DNAH11: variants seen among roughly 807,000 people sequenced by gnomAD.
DNAH11 encodes dynein axonemal heavy chain 11, also known as axonemal beta dynein heavy chain 11.
A neutral mutation model predicts 526.0 loss-of-function variants in DNAH11; 442 were observed. That is an observed-to-expected ratio of 0.84 (90% CI 0.78 to 0.91). The LOEUF is 0.91. Ranked by LOEUF, DNAH11 falls within the 40% of genes least tolerant of loss-of-function variation. DNAH11 has a pLI of 0.00. For synonymous variants in DNAH11, 2,461 were observed against 1,935.9 expected, an observed-to-expected ratio of 1.27 and a Z score of -7.12; for missense variants, 6,989 against 5,448.7, an observed-to-expected ratio of 1.28 and a Z score of -8.90.
intron 42 of DNAH11, among the ~76,000 whole-genome samples, chr7:21,715,096 T>A (rs1784602029): frequency 6.6e-6 from 1 of 152,238 alleles, no homozygotes; most frequent in East Asian, 1.9e-4. Context: ...TATACACTGC[T>A]AGTCAGCATG....
At chr7:21,617,126 G>T (rs75183770) in intron 22 of DNAH11, among the ~76,000 whole-genome samples, 1,671 of 152,198 alleles carry the variant, frequency 0.011, 20 homozygotes, top group African/African-American at 0.038. Context: ...TTTTCCTTGG[G>T]CTGAGAGGAC....
At chr7:21,880,941 G>C in intron 75 of DNAH11, 48 bp downstream of exon 75, 2 of 1,492,078 alleles carry the variant, frequency 1.3e-6, no homozygotes, top group Non-Finnish European at 1.8e-6. Context: ...TTACAAAGCT[G>C]TCAGTCTTTG....
chr7:21,769,863 GT>G (rs1249169242), intron 55 of DNAH11, among the ~76,000 whole-genome samples: 1 of 152,072 alleles, frequency 6.6e-6, no homozygotes, highest in Non-Finnish European at 1.5e-5. Flanking sequence ...ACCATTGAAG[GT>G]ACCTTTTTCA....
chr7:21,866,816 A>G (rs1470759325), intron 71 of DNAH11, among the ~76,000 whole-genome samples, 153 bp downstream of exon 71: 3 of 152,162 alleles, frequency 2.0e-5, no homozygotes, highest in Non-Finnish European at 4.4e-5. Flanking sequence ...TGCTACTGTT[A>G]AAATTTGCTA....
intron 68 of DNAH11, among the ~76,000 whole-genome samples, chr7:21,861,281 T>C (rs541696451): frequency 6.6e-6 from 1 of 152,376 alleles, no homozygotes; most frequent in East Asian, 1.9e-4. Context: ...TGTGTTAGTA[T>C]GGACTGCCGC....
chr7:21,654,778 A>T (rs117590159), intron 28 of DNAH11, among the ~76,000 whole-genome samples: 2 of 152,130 alleles, frequency 1.3e-5, no homozygotes, highest in African/African-American at 4.8e-5. Flanking sequence ...CTCAAGAGAG[A>T]TGATAGAGTA....
At chr7:21,741,800 G>C in intron 48 of DNAH11, 127 bp from the exon 49 acceptor site, 1 of 1,066,396 alleles carries the variant, frequency 9.4e-7, no homozygotes, top group South Asian at 1.7e-5. Context: ...CCCAGAGTCA[G>C]AGTGGAGCAC....
chr7:21,721,776 AG>A (rs1266241360), intron 44 of DNAH11, among the ~76,000 whole-genome samples: 1 of 152,028 alleles, frequency 6.6e-6, no homozygotes, highest in African/African-American at 2.4e-5. Context: ...GGGATGTGGG[AG>A]GGGGGATCAC....
At chr7:21,746,814 T>A (rs150160896) in intron 51 of DNAH11, among the ~76,000 whole-genome samples, 39 of 152,256 alleles carry the variant, frequency 2.6e-4, no homozygotes, top group African/African-American at 7.2e-4. Flanking sequence ...GAAGTTTCAG[T>A]TGGAATCTAA....
chr7:21,867,186 A>T lies in DNAH11; in HGVS notation c.11690+523A>T, dbSNP rs138810678. On this transcript the variant is annotated intron_variant, in intron 71 of 81. Coordinates refer to ENST00000409508, the MANE Select transcript of DNAH11 (RefSeq NM_001277115.2). ...TTGCCCTCTTGGCTTCTAAATGGTA[A>T]TGTGCTGCTTAATTCACACAAGTCT... Among the ~76,000 whole-genome samples the T allele has an allele frequency of 3.6e-3, 554 of 152,254 alleles. 1 individual carries two copies. The highest frequency in any genetic ancestry group is 0.013 in the African/African-American group (522 of 41,536).
intron 25 of DNAH11, among the ~76,000 whole-genome samples, chr7:21,629,768 G>A (rs528111996): frequency 1.4e-4 from 21 of 152,044 alleles, no homozygotes; most frequent in African/African-American, 4.8e-4. Flanking sequence ...CTAGTTGCAT[G>A]GTATATCATT....
At chr7:21,662,287 A>T (rs1363406295) in intron 30 of DNAH11, among the ~76,000 whole-genome samples, 3 of 152,150 alleles carry the variant, frequency 2.0e-5, no homozygotes, top group Non-Finnish European at 2.9e-5. Flanking sequence ...ACATGCAGAA[A>T]AGCTGAAAGA....
Position 21,543,404 on chromosome 7 carries a change from C to G in DNAH11, c.159C>G (p.Phe53Leu), listed in dbSNP as rs1399345576. ...CGGCGGCCAGGAGAGCGCGGAGTTT[C>G]GCCCAAGACGCGCGGGTGCGCTTCC... ...EEAAARRARS[F>L]AQDARVRFLG... is the part of the protein sequence containing the mutation. The change falls in exon 1 of 82, where the codon TTC (phenylalanine) becomes TTG (leucine). Residue 53 changes from phenylalanine (F) to leucine (L), a missense_variant. Physicochemically the swap from Phe to Leu is conservative, Grantham distance 22. Transcript: ENST00000409508. 1 of 1,553,312 alleles carries G rather than the reference C, an allele frequency of 6.4e-7. No homozygotes were observed. The highest frequency in any genetic ancestry group is 1.2e-5 in the South Asian group (1 of 84,186).
Position 21,578,811 on chromosome 7 carries a change from A to G in DNAH11, c.1594-3094A>G, listed in dbSNP as rs562436198. 1.3e-4 allele frequency among the ~76,000 whole-genome samples: 20 copies of G among 152,136 alleles called. No individual in the cohort carries two copies. In the South Asian group the frequency reaches 3.7e-3, roughly 28 times the overall value. On this transcript the variant is annotated intron_variant, in intron 8 of 81. Transcript: ENST00000409508. ...TGTGCCAAACACAACTGCCTACCCA[A>G]CGTCTCCACTGAGATATTTCATACA...
intron 55 of DNAH11, among the ~76,000 whole-genome samples, chr7:21,771,860 AT>A (rs201259157): frequency 2.7e-5 from 4 of 150,628 alleles, no homozygotes; most frequent in Middle Eastern, 3.2e-3. Context: ...ACAAAAAAAA[AT>A]AATAAAATAA....
At chr7:21,784,216 G>C (rs927295409) in intron 57 of DNAH11, among the ~76,000 whole-genome samples, 4 of 152,172 alleles carry the variant, frequency 2.6e-5, no homozygotes, top group Non-Finnish European at 5.9e-5. Flanking sequence ...CATTTATGTT[G>C]AGATTTGTTA....
At position 21,601,580 on chromosome 7, in the gene DNAH11, G is replaced by A; in HGVS notation, c.3610G>A (p.Gly1204Ser). ...KETITLLESY[G>S]QKMPEQVYIQ... ...AACGATCACCCTCTTGGAAAGCTAT[G>A]GCCAGAAGATGCCTGAGCAGGTCTA... is the stretch of plus-strand genomic sequence containing the variant. The change falls in exon 18 of 82, where the codon GGC becomes AGC. Residue 1204 changes from glycine (G) to serine (S), a missense_variant. Coordinates refer to ENST00000409508, the MANE Select transcript of DNAH11 (RefSeq NM_001277115.2). The A allele has an allele frequency of 3.1e-6, 5 of 1,602,130 alleles. No individual in the cohort carries two copies. Among genetic ancestry groups the A allele is most frequent in the Non-Finnish European group, 4.3e-6 (5 of 1,170,868 alleles).
intron 66 of DNAH11, among the ~76,000 whole-genome samples, chr7:21,846,224 C>T (rs1417070740): frequency 6.6e-6 from 1 of 152,068 alleles, no homozygotes; most frequent in Non-Finnish European, 1.5e-5. Flanking sequence ...CCTTTAATTT[C>T]CTTTTCTTGT....
At chr7:21,804,362 G>A (rs1789153517) in intron 62 of DNAH11, among the ~76,000 whole-genome samples, 1 of 152,170 alleles carries the variant, frequency 6.6e-6, no homozygotes, top group South Asian at 2.1e-4. Context: ...ACCCGCCTCA[G>A]CCTCCCAAAG....
Sources: gnomAD v4.1 joint callset for allele counts (sites outside exome capture counted in the v4.1 genomes callset) on GRCh38, gnomAD v4.1.1 for gene constraint, MANE v1.5 for transcripts, NCBI Gene and HGNC (gene_info 2026-07-23, HGNC 2026-07-21) for gene names.